The following IL15 variants were observed in gnomAD, a reference collection of about 807,000 sequenced individuals.
IL15 encodes the protein interleukin 15.
In IL15, 11 loss-of-function variants were observed where a neutral mutation model predicts 19.6. The ratio of observed to expected loss-of-function variants is 0.56; its 90% CI spans 0.35 to 0.93. The LOEUF (loss-of-function observed/expected upper bound fraction) is 0.93, where lower values mean the gene tolerates loss of function less well. IL15 is among the 40% of genes least tolerant of loss of function. The pLI is 0.01. For missense variants in IL15, 197 were observed against 186.5 expected (o/e 1.06, Z -0.33); for synonymous variants, 58 against 59.6 (o/e 0.97, Z 0.12).
At chr4:141,702,949 G>A (rs1329252476) in intron 2 of IL15, among the ~76,000 whole-genome samples, 1 of 152,200 alleles carries the variant, frequency 6.6e-6, no homozygotes, top group African/African-American at 2.4e-5. Flanking sequence ...TAAGAGGCAT[G>A]GGGTGGTTTG....
chr4:141,683,808 G>A lies in IL15; in HGVS notation c.-100+27501G>A, dbSNP rs975243744. Among the ~76,000 whole-genome samples the A allele has an allele frequency of 2.6e-5, 4 of 152,140 alleles. No individual in the cohort carries two copies. The East Asian group carries it at 5.8e-4, about 22-fold the overall frequency. On this transcript the variant is annotated intron_variant, in intron 2 of 7. Coordinates refer to ENST00000320650, the MANE Select transcript of IL15 (RefSeq NM_000585.5). ...GATACAGAAAAGAGCTTTAGGTCGG[G>A]GAGAGAGCAGTACAGATGTTCTGGG...
chr4:141,698,299 T>C (rs1017001022), intron 2 of IL15, among the ~76,000 whole-genome samples: 2 of 152,112 alleles, frequency 1.3e-5, no homozygotes, highest in Non-Finnish European at 2.9e-5. Context: ...TGTGGTTTTC[T>C]TTTTTTGTTT....
At chr4:141,724,952 C>T (rs1730210863) in intron 5 of IL15, among the ~76,000 whole-genome samples, 1 of 151,930 alleles carries the variant, frequency 6.6e-6, no homozygotes, top group African/African-American at 2.4e-5. Flanking sequence ...TTTAGGAGGC[C>T]AGTATTACTG....
At chr4:141,652,956 G>C (rs1293921230) in intron 1 of IL15, among the ~76,000 whole-genome samples, 1 of 152,064 alleles carries the variant, frequency 6.6e-6, no homozygotes, top group Non-Finnish European at 1.5e-5. Context: ...TTATCAGCAG[G>C]TAATAAGAAA....
chr4:141,680,068 A>T (rs1728483054), intron 2 of IL15, among the ~76,000 whole-genome samples: 1 of 152,236 alleles, frequency 6.6e-6, no homozygotes, highest in Non-Finnish European at 1.5e-5. Flanking sequence ...CTATACTACT[A>T]TATATTTGCA....
At chr4:141,719,988 C>T (rs1730019910) in intron 3 of IL15, among the ~76,000 whole-genome samples, 1 of 152,042 alleles carries the variant, frequency 6.6e-6, no homozygotes, top group Non-Finnish European at 1.5e-5. Flanking sequence ...GTAATTGGTT[C>T]CATTTTATCC....
chr4:141,697,759 C>T (rs1384962822), intron 2 of IL15, among the ~76,000 whole-genome samples: 2 of 150,410 alleles, frequency 1.3e-5, no homozygotes, highest in Admixed American at 1.3e-4. Context: ...ATTTTTTTTT[C>T]AGCTATTATA....
intron 1 of IL15, among the ~76,000 whole-genome samples, chr4:141,640,209 G>A (rs1225175929): frequency 6.6e-6 from 1 of 152,030 alleles, no homozygotes; most frequent in East Asian, 1.9e-4. Flanking sequence ...AAGTTTCAAA[G>A]AGGAAGCCTC....
At chr4:141,686,051 T>C (rs1029866532) in intron 2 of IL15, among the ~76,000 whole-genome samples, 2 of 152,036 alleles carry the variant, frequency 1.3e-5, no homozygotes, top group Admixed American at 6.6e-5. Context: ...AATCCCAGCA[T>C]TTTGAGAGGT....
intron 2 of IL15, chr4:141,718,022 C>T (rs1459181197): frequency 6.6e-6 from 1 of 152,124 alleles, no homozygotes; most frequent in Admixed American, 6.6e-5. Flanking sequence ...CTTTTGAGGA[C>T]ATTTTCTATT....
chr4:141,651,774 TA>T (rs1398805472), intron 1 of IL15, among the ~76,000 whole-genome samples: 1 of 152,096 alleles, frequency 6.6e-6, no homozygotes, highest in Non-Finnish European at 1.5e-5. Context: ...ATTTTATGAA[TA>T]ATTTGGTCAT....
chr4:141,674,627 A>G (rs961644601), intron 2 of IL15, among the ~76,000 whole-genome samples: 2 of 152,110 alleles, frequency 1.3e-5, no homozygotes, highest in East Asian at 1.9e-4. Flanking sequence ...CTGAAGTTTC[A>G]TAAAATAAAA....
intron 1 of IL15, among the ~76,000 whole-genome samples, chr4:141,649,111 T>C (rs1222826051): frequency 6.6e-6 from 1 of 152,080 alleles, no homozygotes; most frequent in Non-Finnish European, 1.5e-5. Flanking sequence ...TTGACATGTT[T>C]CTCTCATTGG....
chr4:141,648,570 G>A (rs888593706), intron 1 of IL15, among the ~76,000 whole-genome samples: 2 of 151,932 alleles, frequency 1.3e-5, no homozygotes, highest in African/African-American at 4.8e-5. Flanking sequence ...TCTCCTGAGG[G>A]TTTAAGAGAA....
At chr4:141,732,633 C>T in intron 7 of IL15, 105 bp from the exon 8 acceptor site, 1 of 1,439,250 alleles carries the variant, frequency 6.9e-7, no homozygotes, top group East Asian at 2.5e-5. Context: ...TTTCATATCT[C>T]AAGACCTCAC....
rs1560895278 is a variant in IL15, at chr4:141,636,699, C to T, written c.-271C>T. On this transcript the variant is annotated 5_prime_UTR_variant, in exon 1 of 8. Coordinates refer to ENST00000320650, the MANE Select transcript of IL15 (RefSeq NM_000585.5). ...GAGGGAACTGGGTGGCCGCACCCTC[C>T]CGGCTGCGGTGGCTGTCGCCCCCCA... 1 of 151,834 alleles carries T rather than the reference C, an allele frequency of 6.6e-6. No homozygotes were observed. The allele number at this position is 151,834 out of a possible 1,614,324, so 9.4% of individuals were successfully genotyped here. A position where few individuals can be genotyped will look rare whatever the true frequency, so the allele number is the denominator to read the frequency against.
At position 141,733,967 on chromosome 4, in the gene IL15, T is replaced by G. The variant is rs985929368; in HGVS notation, c.*1119T>G. 10 of 152,232 alleles carry G rather than the reference T, an allele frequency of 6.6e-5. No homozygotes were observed. Among genetic ancestry groups the G allele is most frequent in the African/African-American group, 2.2e-4 (9 of 41,458 alleles). The allele number at this position is 152,232 out of a possible 1,614,324, so 9.4% of individuals were successfully genotyped here. On this transcript the variant is annotated 3_prime_UTR_variant, in exon 8 of 8. Coordinates refer to ENST00000320650, the MANE Select transcript of IL15 (RefSeq NM_000585.5). ...GAAAGATGAAATATTTTTGTTTTAT[T>G]ATAAATTTATTTCACCTTAATTCTG...
intron 2 of IL15, 97 bp from the exon 3 acceptor site, chr4:141,719,269 G>A (rs1187943508): frequency 2.1e-6 from 1 of 472,472 alleles, no homozygotes; most frequent in East Asian, 3.4e-5. Context: ...CTAATAGAGT[G>A]CTTATTAAAA....
intron 2 of IL15, among the ~76,000 whole-genome samples, chr4:141,682,728 G>A (rs962760309): frequency 6.6e-5 from 10 of 152,072 alleles, no homozygotes; most frequent in Non-Finnish European, 1.3e-4. Flanking sequence ...AGGCCGAGGC[G>A]GGTGGTTCAC....
Sources: gnomAD v4.1 joint callset for allele counts (sites outside exome capture counted in the v4.1 genomes callset) on GRCh38, gnomAD v4.1.1 for gene constraint, MANE v1.5 for transcripts, NCBI Gene and HGNC (gene_info 2026-07-23, HGNC 2026-07-21) for gene names.